Variants in CRLF3 observed in about 807,000 individuals in gnomAD.
The protein encoded by CRLF3 is cytokine receptor like factor 3, also known as cytokine receptor-like factor 3.
In CRLF3, 33 loss-of-function variants were observed where a neutral mutation model predicts 55.0. The ratio of observed to expected loss-of-function variants is 0.60; its 90% CI spans 0.46 to 0.80. CRLF3 has a LOEUF of 0.80. CRLF3 is among the 30% of genes least tolerant of loss of function. CRLF3 has a pLI of 0.00. For missense variants in CRLF3, 494 were observed against 538.4 expected (o/e 0.92, Z 0.82); for synonymous variants, 238 against 196.8 (o/e 1.21, Z -1.75).
intron 1 of CRLF3, among the ~76,000 whole-genome samples, chr17:30,805,604 C>T (rs1166867649): frequency 6.6e-6 from 1 of 151,342 alleles, no homozygotes; most frequent in African/African-American, 2.4e-5. Flanking sequence ...ATCCCAGCTA[C>T]TTAGGATGCT....
intron 6 of CRLF3, among the ~76,000 whole-genome samples, chr17:30,789,734 A>C (rs1201375016): frequency 2.6e-5 from 4 of 152,226 alleles, no homozygotes; most frequent in Admixed American, 2.6e-4. Context: ...AATACTTAAG[A>C]CAGTACATGG....
At position 30,785,839 on chromosome 17, in the gene CRLF3, T is replaced by C. The variant is rs116277804; in HGVS notation, c.1072+80A>G. 1.5e-3 allele frequency: 1,121 copies of C among 726,346 alleles called. 11 individuals are homozygous for C. The African/African-American group carries it at 0.019, about 12-fold the overall frequency. The allele number at this position is 726,346 out of a possible 1,614,324, so 45.0% of individuals were successfully genotyped here. ...AAATTTTCTCATCTCCTACTATAAA[T>C]GTATGGAACTGGAACAGATTCACAT... is the stretch of plus-strand genomic sequence containing the variant. On this transcript the variant is annotated intron_variant, in intron 7 of 7. Transcript: ENST00000324238.
chr17:30,791,337 C>A (rs1042732421), intron 6 of CRLF3, among the ~76,000 whole-genome samples: 1 of 152,006 alleles, frequency 6.6e-6, no homozygotes, highest in African/African-American at 2.4e-5. Context: ...TCCCGAAGTG[C>A]TGGGATTACA....
At chr17:30,795,314 C>CAG (rs1971896216) in intron 4 of CRLF3, among the ~76,000 whole-genome samples, 1 of 150,024 alleles carries the variant, frequency 6.7e-6, no homozygotes, top group African/African-American at 2.5e-5. Flanking sequence ...AACTCTGTCT[C>CAG]TACTAAAAAT....
chr17:30,817,199 A>T (rs1276384091), intron 1 of CRLF3, among the ~76,000 whole-genome samples: 4 of 152,106 alleles, frequency 2.6e-5, no homozygotes, highest in Non-Finnish European at 5.9e-5. Context: ...GCACTTTTTG[A>T]GGCCGAGGTG....
chr17:30,792,749 A>G (rs951413548), intron 5 of CRLF3, 177 bp from the exon 6 acceptor site: 69 of 494,668 alleles, frequency 1.4e-4, no homozygotes, highest in Non-Finnish European at 2.4e-4. Context: ...ATTACAAAAG[A>G]TTTTAGTATA....
chr17:30,792,840 GAAC>G, intron 5 of CRLF3: 1 of 118,624 alleles, frequency 8.4e-6, no homozygotes, highest in East Asian at 9.1e-5. Context: ...ATAATTGCTT[GAAC>G]TTATTCCAAC....
intron 4 of CRLF3, 83 bp downstream of exon 4, chr17:30,796,067 TGTATTTAAAA>T: frequency 1.3e-6 from 1 of 743,710 alleles, no homozygotes; most frequent in Non-Finnish European, 2.1e-6. Context: ...AAGAAAAGAA[TGTATTTAAAA>T]GTAGTCAACG....
intron 1 of CRLF3, among the ~76,000 whole-genome samples, chr17:30,813,527 C>T (rs1904688331): frequency 6.6e-6 from 1 of 151,828 alleles, no homozygotes; most frequent in African/African-American, 2.4e-5. Context: ...GGGATGTCAC[C>T]TTGAATAACA....
At position 30,797,291 on chromosome 17, in the gene CRLF3, A is replaced by G; in HGVS notation, c.425+20T>C. 6.3e-7 allele frequency: 1 copy of G among 1,578,806 alleles called. No homozygotes were observed. Among genetic ancestry groups the G allele is most frequent in the Non-Finnish European group, 8.7e-7 (1 of 1,147,780 alleles). ...GTTTAAATGCTTAAAAGTAAGTCAA[A>G]AAGGCACAAACTCTTTTACCTGTCC... On this transcript the variant is annotated intron_variant, in intron 3 of 7. Transcript: ENST00000324238.
chr17:30,797,483 AGCG>A, intron 2 of CRLF3, 85 bp from the exon 3 acceptor site: 2 of 1,093,382 alleles, frequency 1.8e-6, no homozygotes, highest in South Asian at 2.6e-5. Flanking sequence ...GTGGGTCTCT[AGCG>A]TTCTTGCAAA....
intron 1 of CRLF3, among the ~76,000 whole-genome samples, chr17:30,821,339 CAAAAAAAA>C (rs112600272): frequency 8.6e-6 from 1 of 116,184 alleles, no homozygotes; most frequent in African/African-American, 2.9e-5. Flanking sequence ...GGTCCTTTCT[CAAAAAAAA>C]AAAAAAAGAA....
chr17:30,799,684 T>C (rs1971975847), intron 2 of CRLF3, among the ~76,000 whole-genome samples: 1 of 152,108 alleles, frequency 6.6e-6, no homozygotes, highest in African/African-American at 2.4e-5. Context: ...TTTGTATTTT[T>C]AGTAGAGACG....
rs1567661235 is a variant in CRLF3, at chr17:30,793,586, A to G, written c.690T>C (p.Ser230=). Residue 230 remains serine, a synonymous_variant, in exon 5 of 8, where the codon TCT becomes TCC. Coordinates refer to ENST00000324238, the MANE Select transcript of CRLF3 (RefSeq NM_015986.4). The stretch of plus-strand genomic sequence containing the variant: ...TGTGCAATACTATGAATTCAGTTTC[A>G]GAACCTACATATACATCCTCAAAAT... ...SNHFEDVYVG[S]ETEFIVLHID... is the part of the protein sequence containing the mutation. 2 of 1,614,126 alleles carry G rather than the reference A, an allele frequency of 1.2e-6. No individual in the cohort carries two copies. The highest frequency in any genetic ancestry group is 1.7e-6 in the Non-Finnish European group (2 of 1,179,986).
At chr17:30,796,370 TCTAA>T (rs774647979) in intron 3 of CRLF3, 33 bp from the exon 4 acceptor site, 65 of 1,520,458 alleles carry the variant, frequency 4.3e-5, no homozygotes, top group Admixed American at 7.7e-5. Context: ...TTATGAGACC[TCTAA>T]CTGAGAGTTA....
At chr17:30,805,786 G>C (rs571762348) in intron 1 of CRLF3, among the ~76,000 whole-genome samples, 2 of 151,772 alleles carry the variant, frequency 1.3e-5, no homozygotes, top group South Asian at 2.1e-4. Flanking sequence ...ACTTTGAGAG[G>C]CTGAGGCAGG....
At chr17:30,814,085 C>T (rs1372031139) in intron 1 of CRLF3, among the ~76,000 whole-genome samples, 1 of 151,828 alleles carries the variant, frequency 6.6e-6, no homozygotes, top group Non-Finnish European at 1.5e-5. Flanking sequence ...AGTGAAACCT[C>T]GTCTCTATTA....
In CRLF3 at chr17:30,783,092, T is replaced by G. The variant is rs997224414; in HGVS notation, c.*1095A>C. 3.0e-4 allele frequency: 46 copies of G among 151,644 alleles called. No homozygotes were observed. Among genetic ancestry groups the G allele is most frequent in the African/African-American group, 1.0e-3 (43 of 41,412 alleles). 9.4% of individuals were successfully genotyped at this position (151,644 alleles called of 1,614,324 possible). ...AAAGAGACCACTTATTAAACTGACA[T>G]TAAACTGGACTGCAGCTCATTCTCT... On this transcript the variant is annotated 3_prime_UTR_variant, in exon 8 of 8. Coordinates refer to ENST00000324238, the MANE Select transcript of CRLF3 (RefSeq NM_015986.4).
chr17:30,811,885 C>T (rs973289311), intron 1 of CRLF3, among the ~76,000 whole-genome samples: 5 of 142,346 alleles, frequency 3.5e-5, no homozygotes, highest in Non-Finnish European at 7.5e-5. Flanking sequence ...CCGAGGCGGG[C>T]GGGTCATGAG....
Sources: allele counts gnomAD v4.1 joint callset (sites outside exome capture counted in the v4.1 genomes callset), GRCh38; gene constraint gnomAD v4.1.1; transcripts MANE v1.5; gene names NCBI Gene and HGNC (gene_info 2026-07-23, HGNC 2026-07-21).